Variants in C2orf74 observed in about 807,000 individuals in gnomAD.
C2orf74 encodes the protein uncharacterized protein C2orf74.
Under a neutral mutation model 17.9 loss-of-function variants are expected in C2orf74, and 14 were observed. The ratio of observed to expected loss-of-function variants is 0.78; its 90% confidence interval spans 0.52 to 1.22. The LOEUF (loss-of-function observed/expected upper bound fraction) is 1.22. Ranked by LOEUF, C2orf74 falls within the 50% of genes most tolerant of loss-of-function variation. The pLI is 0.00. For missense variants in C2orf74, 217 were observed against 218.4 expected (o/e 0.99, Z 0.04); for synonymous variants, 79 against 72.6 (o/e 1.09, Z -0.44).
chr2:61,156,275 T>G (rs1472869483), intron 1 of C2orf74, among the ~76,000 whole-genome samples: 1 of 151,922 alleles, frequency 6.6e-6, no homozygotes, highest in Non-Finnish European at 1.5e-5. Flanking sequence ...CTGTGGCTCA[T>G]GCCTATAATC....
chr2:61,161,975 G>A (rs1685574013), upstream of C2orf74: 1 of 153,720 alleles, frequency 6.5e-6, no homozygotes, highest in Non-Finnish European at 1.4e-5. Flanking sequence ...GAAAATCCTT[G>A]CTCAAAGAAT....
At chr2:61,158,079 T>C, upstream of C2orf74, 1 of 452,892 alleles carries the variant, frequency 2.2e-6, no homozygotes, top group Non-Finnish European at 4.6e-6. Flanking sequence ...ACATGGCAGA[T>C]GCCAGGAGCA....
At chr2:61,147,303 G>T (rs1559173491) in intron 1 of C2orf74, among the ~76,000 whole-genome samples, 1 of 151,620 alleles carries the variant, frequency 6.6e-6, no homozygotes, top group African/African-American at 2.4e-5. Flanking sequence ...AGGCTCAAGC[G>T]ATCTGCGGGC....
At chr2:61,153,343 C>T (rs764573784) in intron 1 of C2orf74, among the ~76,000 whole-genome samples, 6 of 151,678 alleles carry the variant, frequency 4.0e-5, no homozygotes, top group Non-Finnish European at 5.9e-5. Flanking sequence ...TGCAGTGGCG[C>T]GATCTCAGCT....
rs574904888 is a variant in C2orf74, at chr2:61,164,493, G to A, written c.530G>A (p.Arg177Gln). The stretch of plus-strand genomic sequence containing the variant: ...CTTGGGAATGAATACCCTACACCTC[G>A]AAGCTATACTCGAGAACATAAAGAG... ...VDLGNEYPTPRSYTREHKERK is the reference protein window; with the variant it reads ...VDLGNEYPTPQSYTREHKERK Residue 177 changes from arginine (R) to glutamine (Q), a missense_variant, in exon 5 of 5, where the codon CGA becomes CAA. Arg to Gln is a conservative substitution (Grantham distance 43, BLOSUM62 1). Coordinates refer to ENST00000432605, the MANE Select transcript of C2orf74 (RefSeq NM_001143959.4). 1.9e-5 allele frequency: 29 copies of A among 1,546,572 alleles called. No homozygotes were observed. The highest frequency in any genetic ancestry group is 1.7e-4 in the Middle Eastern group (1 of 5,978).
At chr2:61,160,914 T>G (rs189652524), upstream of C2orf74, among the ~76,000 whole-genome samples, 1 of 152,382 alleles carries the variant, frequency 6.6e-6, no homozygotes, top group East Asian at 1.9e-4. Flanking sequence ...TGCAATTCTT[T>G]GTGTATACAC....
chr2:61,158,023 G>C (rs575568512), upstream of C2orf74: 70 of 471,026 alleles, frequency 1.5e-4, no homozygotes, highest in African/African-American at 1.2e-3. Flanking sequence ...GTAGGCAGTA[G>C]GGCAGGACTG....
intron 1 of C2orf74, among the ~76,000 whole-genome samples, chr2:61,157,106 G>A (rs1351895202): frequency 6.6e-6 from 1 of 152,122 alleles, no homozygotes; most frequent in Non-Finnish European, 1.5e-5. Flanking sequence ...CGCGATCTCG[G>A]CTCACTGCAA....
At chr2:61,148,158 A>T (rs1284016713) in intron 1 of C2orf74, among the ~76,000 whole-genome samples, 1 of 147,900 alleles carries the variant, frequency 6.8e-6, no homozygotes. Context: ...AAAAATGTAT[A>T]TGTATTATAT....
intron 1 of C2orf74, among the ~76,000 whole-genome samples, chr2:61,148,608 G>A (rs1685137194): frequency 6.6e-6 from 1 of 152,184 alleles, no homozygotes; most frequent in Admixed American, 6.5e-5. Flanking sequence ...ATATCCTCTT[G>A]CGTGAAATGC....
chr2:61,162,422 TAAAG>T lies in C2orf74; in HGVS notation c.-90_-87del, dbSNP rs1360458624. 1.7e-5 allele frequency: 16 copies of T among 962,028 alleles called. No homozygotes were observed. The East Asian group carries it at 4.2e-4, about 25-fold the overall frequency. The allele number at this position is 962,028 out of a possible 1,614,324, so 59.6% of individuals were successfully genotyped here. A position where few individuals can be genotyped will look rare whatever the true frequency, so the allele number is the denominator to read the frequency against. On this transcript the variant is annotated 5_prime_UTR_variant, in exon 2 of 5. Coordinates refer to ENST00000432605, the MANE Select transcript of C2orf74 (RefSeq NM_001143959.4). Reference sequence around the variant, plus strand: ...TTTATTCCTCTGTTTCTAGAAAACTTAAAGAACAAGAGAACTGCATTCAAATTGA... The same window carrying T: ...TTTATTCCTCTGTTTCTAGAAAACTTAACAAGAGAACTGCATTCAAATTGA...
intron 1 of C2orf74, among the ~76,000 whole-genome samples, chr2:61,156,097 G>T (rs1685383100): frequency 6.6e-6 from 1 of 152,098 alleles, no homozygotes; most frequent in African/African-American, 2.4e-5. Flanking sequence ...TACTCAGGAG[G>T]CCGAGGTGGG....
intron 1 of C2orf74, among the ~76,000 whole-genome samples, chr2:61,151,109 A>AGG (rs1251440075): frequency 6.6e-6 from 1 of 151,996 alleles, no homozygotes; most frequent in Non-Finnish European, 1.5e-5. Flanking sequence ...CAAGGTCAGG[A>AGG]GTTCAAGACC....
rs1169450365 is a variant in C2orf74 at position 61,164,265 on chromosome 2, G to T, written c.391-89G>T. Reference sequence around the variant, plus strand: ...TTTAGAAATGCTTTTTCTGTTTCTCGTTAAGTGTACATATAACCTGTAATT... The same window carrying T: ...TTTAGAAATGCTTTTTCTGTTTCTCTTTAAGTGTACATATAACCTGTAATT... On this transcript the variant is annotated intron_variant, in intron 4 of 4. Transcript: ENST00000432605. 6.6e-6 allele frequency: 7 copies of T among 1,054,482 alleles called. 1 individual carries two copies. In the South Asian group the frequency reaches 9.3e-5, roughly 14 times the overall value. 65.3% of individuals were successfully genotyped at this position (1,054,482 alleles called of 1,614,324 possible).
intron 1 of C2orf74, chr2:61,152,066 T>C (rs2103616181): frequency 6.6e-6 from 1 of 152,478 alleles, no homozygotes; most frequent in African/African-American, 2.4e-5. Flanking sequence ...ATTTGGAGTC[T>C]GCACAAAGTT....
upstream of C2orf74, among the ~76,000 whole-genome samples, chr2:61,158,815 T>A (rs1047693530): frequency 5.9e-5 from 9 of 152,184 alleles, no homozygotes; most frequent in Non-Finnish European, 1.0e-4. Context: ...GAAGAAACTC[T>A]GATGAGATAG....
At chr2:61,157,958 T>A (rs1486705508), upstream of C2orf74, 3 of 471,248 alleles carry the variant, frequency 6.4e-6, no homozygotes, top group Non-Finnish European at 1.3e-5. Context: ...GCAGATCCTG[T>A]CACCACGAGT....
intron 1 of C2orf74, among the ~76,000 whole-genome samples, chr2:61,149,570 CTTTCT>C (rs1194038818): frequency 7.1e-5 from 10 of 141,322 alleles, no homozygotes; most frequent in Non-Finnish European, 1.2e-4. Context: ...TGTTGGGCGC[CTTTCT>C]TTTTTTTTTT....
chr2:61,145,516 C>G (rs1161703483), intron 1 of C2orf74, among the ~76,000 whole-genome samples: 1 of 152,080 alleles, frequency 6.6e-6, no homozygotes, highest in South Asian at 2.1e-4. Context: ...CTCCGCTGCC[C>G]GGGTTCAAGT....
Sources: allele counts gnomAD v4.1 joint callset (sites outside exome capture counted in the v4.1 genomes callset), GRCh38; gene constraint gnomAD v4.1.1; transcripts MANE v1.5; gene names NCBI Gene and HGNC (gene_info 2026-07-23, HGNC 2026-07-21).